Variants in MAGI1 observed in about 807,000 individuals in gnomAD.
MAGI1 encodes membrane associated guanylate kinase, WW and PDZ domain containing 1, also known as membrane-associated guanylate kinase, WW and PDZ domain-containing protein 1.
A neutral mutation model predicts 139.9 loss-of-function variants in MAGI1; 58 were observed. The ratio of observed to expected loss-of-function variants is 0.41; its 90% CI spans 0.34 to 0.52. The LOEUF (loss-of-function observed/expected upper bound fraction) is 0.52. Ranked by LOEUF, MAGI1 falls within the 20% of genes least tolerant of loss-of-function variation. The pLI, the probability that MAGI1 is intolerant of heterozygous loss-of-function variation, is 0.12. For missense variants in MAGI1, 1,874 were observed against 1,901.6 expected, an observed-to-expected ratio of 0.99 and a Z score of 0.27; for synonymous variants, 812 against 737.9, an observed-to-expected ratio of 1.10 and a Z score of -1.63.
intron 1 of MAGI1, among the ~76,000 whole-genome samples, chr3:65,759,893 AAT>A (rs1188764029): frequency 6.6e-6 from 1 of 152,132 alleles, no homozygotes; most frequent in Non-Finnish European, 1.5e-5. Flanking sequence ...GGGGCTCTAG[AAT>A]TAGCCTGGAT....
At chr3:65,404,311 A>C (rs1383203948) in intron 12 of MAGI1, among the ~76,000 whole-genome samples, 1 of 152,232 alleles carries the variant, frequency 6.6e-6, no homozygotes, top group Admixed American at 6.5e-5. Context: ...TATGGGGGTA[A>C]CCAGTTGAGG....
At chr3:65,645,634 T>C (rs1229186664) in intron 1 of MAGI1, among the ~76,000 whole-genome samples, 1 of 152,082 alleles carries the variant, frequency 6.6e-6, no homozygotes, top group Non-Finnish European at 1.5e-5. Flanking sequence ...TACAAGCAAA[T>C]ACATTTCTCT....
intron 18 of MAGI1, among the ~76,000 whole-genome samples, chr3:65,372,899 G>A (rs1321826473): frequency 2.0e-5 from 3 of 152,168 alleles, no homozygotes; most frequent in Admixed American, 2.0e-4. Context: ...GCTCTGGATT[G>A]GACTCTGGCA....
chr3:65,562,661 G>A (rs1324404438), intron 2 of MAGI1, among the ~76,000 whole-genome samples: 5 of 152,128 alleles, frequency 3.3e-5, no homozygotes, highest in Non-Finnish European at 7.3e-5. Flanking sequence ...ACTGATTTAT[G>A]ACTCTTGAAA....
intron 1 of MAGI1, among the ~76,000 whole-genome samples, chr3:65,638,344 G>T (rs1023929640): frequency 1.3e-5 from 2 of 151,948 alleles, no homozygotes; most frequent in African/African-American, 4.8e-5. Context: ...TAACAGAAAA[G>T]AATTTTTTTT....
chr3:65,529,484 G>A (rs2078537534), intron 2 of MAGI1, among the ~76,000 whole-genome samples: 1 of 152,160 alleles, frequency 6.6e-6, no homozygotes, highest in South Asian at 2.1e-4. Context: ...GCAGTGTGAT[G>A]TTTCTTATAG....
chr3:65,489,300 C>T (rs1189281004), intron 3 of MAGI1, among the ~76,000 whole-genome samples: 1 of 152,052 alleles, frequency 6.6e-6, no homozygotes, highest in Non-Finnish European at 1.5e-5. Context: ...TGGTCTACTG[C>T]CCTGTACATC....
intron 1 of MAGI1, among the ~76,000 whole-genome samples, chr3:65,761,444 A>T (rs2037016280): frequency 6.6e-6 from 1 of 152,092 alleles, no homozygotes; most frequent in Non-Finnish European, 1.5e-5. Flanking sequence ...TCAAGTAAGG[A>T]CTCTTCAGAA....
chr3:66,014,980 A>C (rs528339660), intron 1 of MAGI1, among the ~76,000 whole-genome samples: 1 of 151,990 alleles, frequency 6.6e-6, no homozygotes, highest in Admixed American at 6.6e-5. Context: ...TCATCGCTAC[A>C]TGATCTTTTC....
chr3:65,472,730 G>A (rs1190055433), intron 4 of MAGI1, among the ~76,000 whole-genome samples: 1 of 152,194 alleles, frequency 6.6e-6, no homozygotes. Flanking sequence ...AGTGGGTCTA[G>A]GCTGAAGGGA....
intron 1 of MAGI1, among the ~76,000 whole-genome samples, chr3:65,673,748 C>T (rs2087006515): frequency 6.6e-6 from 1 of 152,170 alleles, no homozygotes; most frequent in Non-Finnish European, 1.5e-5. Context: ...CGTGCACATT[C>T]CTATAACATG....
chr3:65,386,131 A>G (rs1943428467), intron 14 of MAGI1, among the ~76,000 whole-genome samples: 1 of 152,066 alleles, frequency 6.6e-6, no homozygotes, highest in Non-Finnish European at 1.5e-5. Flanking sequence ...CCCATCCTAC[A>G]GTGACACCAA....
At chr3:65,721,809 T>C (rs1576882961) in intron 1 of MAGI1, among the ~76,000 whole-genome samples, 2 of 151,672 alleles carry the variant, frequency 1.3e-5, no homozygotes, top group Admixed American at 1.3e-4. Context: ...AAAATGGCTG[T>C]TTCTGTTTGT....
intron 1 of MAGI1, among the ~76,000 whole-genome samples, chr3:65,842,714 C>T (rs1246266814): frequency 1.3e-5 from 2 of 152,130 alleles, no homozygotes; most frequent in African/African-American, 2.4e-5. Context: ...AATATTTGGA[C>T]CATAGTAAAA....
At chr3:65,683,016 G>A (rs2087705015) in intron 1 of MAGI1, among the ~76,000 whole-genome samples, 1 of 151,924 alleles carries the variant, frequency 6.6e-6, no homozygotes, top group African/African-American at 2.4e-5. Context: ...TCCCCCACAT[G>A]CACAGTTCAC....
At chr3:65,620,713 T>C (rs2083619331) in intron 2 of MAGI1, among the ~76,000 whole-genome samples, 1 of 152,200 alleles carries the variant, frequency 6.6e-6, no homozygotes, top group Admixed American at 6.5e-5. Flanking sequence ...TAACACATCA[T>C]CACAACCTCC....
chr3:65,370,701 T>C (rs979072038), intron 18 of MAGI1, among the ~76,000 whole-genome samples: 3 of 152,226 alleles, frequency 2.0e-5, no homozygotes, highest in Non-Finnish European at 4.4e-5. Context: ...TGCAGTGGCA[T>C]GATCAGGGCT....
chr3:65,985,415 A>C (rs1396070794), intron 1 of MAGI1, among the ~76,000 whole-genome samples: 1 of 152,152 alleles, frequency 6.6e-6, no homozygotes, highest in Non-Finnish European at 1.5e-5. Context: ...TGAGAGTTAG[A>C]ATTAGTTGGT....
At chr3:65,856,466 A>T (rs2059381675) in intron 1 of MAGI1, among the ~76,000 whole-genome samples, 1 of 152,208 alleles carries the variant, frequency 6.6e-6, no homozygotes, top group South Asian at 2.1e-4. Context: ...GCAAGACTCG[A>T]TGAACTCAGG....
Sources: gnomAD v4.1 joint callset for allele counts (sites outside exome capture counted in the v4.1 genomes callset) on GRCh38, gnomAD v4.1.1 for gene constraint, MANE v1.5 for transcripts, NCBI Gene and HGNC (gene_info 2026-07-23, HGNC 2026-07-21) for gene names.